Variants in TANGO2 observed in about 807,000 individuals in gnomAD.
TANGO2 encodes the protein transport and golgi organization 2 homolog.
A neutral mutation model predicts 39.1 loss-of-function variants in TANGO2; 26 were observed. The observed-to-expected ratio is 0.67, with a 90% CI of 0.49 to 0.92. The LOEUF (loss-of-function observed/expected upper bound fraction) is 0.92, where lower values mean the gene tolerates loss of function less well. Among genes scored for constraint, TANGO2 ranks in the 40% least tolerant of loss-of-function variants. TANGO2 has a pLI of 0.00. For missense variants in TANGO2, 326 were observed against 360.1 expected, an observed-to-expected ratio of 0.91 and a Z score of 0.77; for synonymous variants, 131 against 144.5, an observed-to-expected ratio of 0.91 and a Z score of 0.67.
At chr22:20,052,634 G>A (rs1266744750) in intron 4 of TANGO2, 50 bp downstream of exon 4, 1 of 1,540,298 alleles carries the variant, frequency 6.5e-7, no homozygotes, top group Non-Finnish European at 8.8e-7. Context: ...GGTGGGGCAG[G>A]CCTAGGTGAG....
chr22:20,023,187 A>G lies in TANGO2; in HGVS notation c.-40+1941A>G, dbSNP rs1169865588. On this transcript the variant is annotated intron_variant, in intron 1 of 8. Coordinates refer to ENST00000327374, the MANE Select transcript of TANGO2 (RefSeq NM_152906.7). ...CTCCCAGCGGCTGCTCCCCTGGTGC[A>G]CTTGCTGACATTTGGGGGTACATCC... is the stretch of plus-strand genomic sequence containing the variant. Among the ~76,000 whole-genome samples the G allele has an allele frequency of 3.9e-5, 6 of 152,222 alleles. No individual in the cohort carries two copies. The East Asian group carries it at 9.6e-4, about 24-fold the overall frequency.
chr22:20,061,456 T>G (rs2048362931), intron 6 of TANGO2, 74 bp from the exon 7 acceptor site: 1 of 1,486,946 alleles, frequency 6.7e-7, no homozygotes. Flanking sequence ...CCGTGTTAGG[T>G]GGGTGGCAGG....
chr22:20,039,934 A>C (rs148174824), intron 2 of TANGO2, among the ~76,000 whole-genome samples: 1,671 of 149,940 alleles, frequency 0.011, 38 homozygotes, highest in East Asian at 0.075. Context: ...TCAGGTGGTG[A>C]TGGATAATTA....
At chr22:20,030,625 G>A (rs1203113227) in intron 1 of TANGO2, among the ~76,000 whole-genome samples, 5 of 151,900 alleles carry the variant, frequency 3.3e-5, no homozygotes, top group East Asian at 3.9e-4. Flanking sequence ...AATTACAGGC[G>A]TGATAATTTT....
At chr22:20,024,013 C>T (rs1019997002) in intron 1 of TANGO2, among the ~76,000 whole-genome samples, 4 of 152,082 alleles carry the variant, frequency 2.6e-5, no homozygotes, top group Non-Finnish European at 5.9e-5. Flanking sequence ...GAAACCCCGT[C>T]CCTACTAAAA....
intron 6 of TANGO2, among the ~76,000 whole-genome samples, chr22:20,058,638 T>A (rs1479741297): frequency 7.3e-6 from 1 of 136,140 alleles, no homozygotes; most frequent in East Asian, 2.0e-4. Flanking sequence ...TGAGATTGCA[T>A]CTCAAAAAAA....
chr22:20,038,740 C>T (rs1001998292), intron 2 of TANGO2, among the ~76,000 whole-genome samples: 1 of 152,142 alleles, frequency 6.6e-6, no homozygotes, highest in Middle Eastern at 3.2e-3. Flanking sequence ...GCTGCTTCTG[C>T]TCTGCCTGTG....
In TANGO2 at chr22:20,022,210, A is replaced by G. The variant is rs1350677071; in HGVS notation, c.-40+964A>G. On this transcript the variant is annotated intron_variant, in intron 1 of 8. Coordinates refer to ENST00000327374, the MANE Select transcript of TANGO2 (RefSeq NM_152906.7). ...AGGAAAACTCAGGCTAAGGTGGCAG[A>G]TCGTGTTCCCAAGGTCATTCAGAGC... Among the ~76,000 whole-genome samples, 4 of 152,318 alleles carry G rather than the reference A, an allele frequency of 2.6e-5. No homozygotes were observed. The East Asian group carries it at 7.7e-4, about 29-fold the overall frequency.
Position 20,064,656 on chromosome 22 carries a change from G to C in TANGO2, c.825G>C (p.Gln275His), listed in dbSNP as rs2048989334. The C allele has an allele frequency of 6.2e-7, 1 of 1,613,948 alleles. No homozygotes were observed. Among genetic ancestry groups the C allele is most frequent in the African/African-American group, 1.3e-5 (1 of 74,938 alleles). ...CCAGAACCTATGAGTTCACACTGCAGAGCTAACCCCACCTCTGGGCCTGGC... is the reference window on the plus strand; with the variant it reads ...CCAGAACCTATGAGTTCACACTGCACAGCTAACCCCACCTCTGGGCCTGGC... ...WETRTYEFTL[Q>H]S Residue 275 changes from glutamine (Q) to histidine (H), a missense_variant, in exon 9 of 9, where the codon CAG becomes CAC. By Grantham distance (24) the Gln-to-His change is conservative. Transcript: ENST00000327374.
chr22:20,053,213 G>A, intron 4 of TANGO2: 1 of 488,962 alleles, frequency 2.0e-6, no homozygotes, highest in East Asian at 4.0e-5. Flanking sequence ...GGAAGACATA[G>A]TGGGGAAATT....
At chr22:20,038,935 T>TTTA (rs750402154) in intron 2 of TANGO2, among the ~76,000 whole-genome samples, 1 of 150,464 alleles carries the variant, frequency 6.6e-6, no homozygotes, top group Non-Finnish European at 1.5e-5. Flanking sequence ...GTTTTTTTTT[T>TTTA]TTATTATTAT....
At chr22:20,029,955 C>T (rs781243383) in intron 1 of TANGO2, among the ~76,000 whole-genome samples, 13 of 152,154 alleles carry the variant, frequency 8.5e-5, no homozygotes, top group Non-Finnish European at 1.8e-4. Context: ...TGGACTTTCT[C>T]AGATATGGAT....
rs933898030 is a variant in TANGO2, at chr22:20,021,126, G to C, written c.-160G>C. On this transcript the variant is annotated 5_prime_UTR_variant, in exon 1 of 9. Coordinates refer to ENST00000327374, the MANE Select transcript of TANGO2 (RefSeq NM_152906.7). ...CGGCACCCGGAAGTCGGCGGCGGTG[G>C]CGGAGGCGGTGAGTGCGCGGCTCCG... 7 of 153,702 alleles carry C rather than the reference G, an allele frequency of 4.6e-5. No homozygotes were observed. Among genetic ancestry groups the C allele is most frequent in the African/African-American group, 1.7e-4 (7 of 41,454 alleles). 9.5% of individuals were successfully genotyped at this position (153,702 alleles called of 1,614,324 possible).
chr22:20,035,297 C>T (rs1419097564), intron 1 of TANGO2, among the ~76,000 whole-genome samples: 3 of 152,258 alleles, frequency 2.0e-5, no homozygotes, highest in African/African-American at 7.2e-5. Flanking sequence ...GAGGCACATA[C>T]ACTGAGCCCT....
In TANGO2 at chr22:20,051,303, G is replaced by A. The variant is rs571182037; in HGVS notation, c.146-1162G>A. On this transcript the variant is annotated intron_variant, in intron 3 of 8. Transcript: ENST00000327374. Reference sequence around the variant, plus strand: ...TCCCAGCACTTTGGGACGCCAAGGCGGACGGATCACCTGAGGTTGGGAATT... The same window carrying A: ...TCCCAGCACTTTGGGACGCCAAGGCAGACGGATCACCTGAGGTTGGGAATT... Among the ~76,000 whole-genome samples, 4 of 151,974 alleles carry A rather than the reference G, an allele frequency of 2.6e-5. No individual in the cohort carries two copies. The East Asian group carries it at 5.9e-4, about 22-fold the overall frequency.
intron 6 of TANGO2, 140 bp downstream of exon 6, chr22:20,056,153 G>A (rs1333375340): frequency 1.2e-5 from 9 of 751,824 alleles, no homozygotes; most frequent in Non-Finnish European, 4.7e-6. Context: ...TATGGTCTGT[G>A]GGCACCTTGC....
chr22:20,036,175 A>T (rs929112084), intron 1 of TANGO2, among the ~76,000 whole-genome samples: 2 of 152,128 alleles, frequency 1.3e-5, no homozygotes, highest in African/African-American at 4.8e-5. Context: ...CCAAAAAAAC[A>T]CCTGAAGCCC....
chr22:20,043,042 C>T (rs921337777), intron 2 of TANGO2, among the ~76,000 whole-genome samples: 8 of 152,084 alleles, frequency 5.3e-5, no homozygotes, highest in Admixed American at 1.3e-4. Flanking sequence ...GCCTGGGCTC[C>T]CGGCATGGAG....
At chr22:20,063,590 A>G (rs942182537) in intron 8 of TANGO2, 148 bp downstream of exon 8, 24 of 733,026 alleles carry the variant, frequency 3.3e-5, no homozygotes, top group Non-Finnish European at 4.7e-5. Context: ...GTCCAGACGC[A>G]GCTGCAGGGT....
Sources: allele counts gnomAD v4.1 joint callset (sites outside exome capture counted in the v4.1 genomes callset), GRCh38; gene constraint gnomAD v4.1.1; transcripts MANE v1.5; gene names NCBI Gene and HGNC (gene_info 2026-07-23, HGNC 2026-07-21).